The following NEGR1 variants were observed in gnomAD, a reference collection of about 807,000 sequenced individuals.
NEGR1 encodes IgLON family member 4.
In NEGR1, 10 loss-of-function variants were observed where a neutral mutation model predicts 40.9. The ratio of observed to expected loss-of-function variants is 0.24; its 90% CI spans 0.15 to 0.42. The LOEUF is 0.42. NEGR1 is among the 10% of genes least tolerant of loss of function. The pLI, the probability that NEGR1 is intolerant of heterozygous loss-of-function variation, is 1.00. For synonymous variants in NEGR1, 185 were observed against 166.8 expected (o/e 1.11, Z -0.84); for missense variants, 352 against 438.9 (o/e 0.80, Z 1.77).
chr1:71,720,889 A>G (rs1654487322), intron 3 of NEGR1, among the ~76,000 whole-genome samples: 1 of 152,192 alleles, frequency 6.6e-6, no homozygotes, highest in Admixed American at 6.5e-5. Flanking sequence ...GAAAATCAAC[A>G]GTTAAAAACT....
intron 3 of NEGR1, among the ~76,000 whole-genome samples, chr1:71,733,070 C>CTCT (rs1654940817): frequency 7.0e-6 from 1 of 142,024 alleles, no homozygotes; most frequent in South Asian, 2.2e-4. Flanking sequence ...CACAGGATAG[C>CTCT]TCTTTTTTTT....
intron 6 of NEGR1, among the ~76,000 whole-genome samples, chr1:71,522,751 AC>A: frequency 6.7e-6 from 1 of 149,732 alleles, no homozygotes; most frequent in South Asian, 2.1e-4. Context: ...ACACACACAC[AC>A]ACACGCACAA....
intron 6 of NEGR1, among the ~76,000 whole-genome samples, chr1:71,548,430 C>A (rs796828240): frequency 1.3e-5 from 2 of 151,674 alleles, no homozygotes; most frequent in African/African-American, 4.8e-5. Context: ...GAGGTTCAGT[C>A]CTGAAGGCTA....
At chr1:71,783,960 A>C (rs1011040654) in intron 2 of NEGR1, among the ~76,000 whole-genome samples, 2 of 152,146 alleles carry the variant, frequency 1.3e-5, no homozygotes, top group African/African-American at 4.8e-5. Context: ...AACATTTCTA[A>C]TCACAATGCA....
At chr1:72,111,116 A>G (rs1037961157) in intron 1 of NEGR1, among the ~76,000 whole-genome samples, 1 of 150,866 alleles carries the variant, frequency 6.6e-6, no homozygotes, top group African/African-American at 2.4e-5. Flanking sequence ...ACACACGTAT[A>G]TATATACACA....
At chr1:71,860,529 G>A (rs1240299622) in intron 2 of NEGR1, among the ~76,000 whole-genome samples, 2 of 151,882 alleles carry the variant, frequency 1.3e-5, no homozygotes, top group Non-Finnish European at 2.9e-5. Flanking sequence ...CAACTCCAAA[G>A]TCTAATAAAA....
intron 3 of NEGR1, among the ~76,000 whole-genome samples, chr1:71,730,797 TGGC>T (rs1654835292): frequency 6.6e-6 from 1 of 151,732 alleles, no homozygotes; most frequent in Non-Finnish European, 1.5e-5. Flanking sequence ...CAAAATTGTT[TGGC>T]ATTTAAATCT....
At chr1:72,231,589 G>A (rs186775571) in intron 1 of NEGR1, among the ~76,000 whole-genome samples, 33 of 152,088 alleles carry the variant, frequency 2.2e-4, no homozygotes, top group Admixed American at 1.8e-3. Context: ...TCTAACCCAC[G>A]TTGACATGTG....
At chr1:71,801,487 T>C (rs1242714440) in intron 2 of NEGR1, among the ~76,000 whole-genome samples, 1 of 152,206 alleles carries the variant, frequency 6.6e-6, no homozygotes, top group Admixed American at 6.5e-5. Flanking sequence ...ACATGTCTAA[T>C]GAAAACTCTT....
At chr1:71,994,060 G>C (rs920823492) in intron 1 of NEGR1, among the ~76,000 whole-genome samples, 14 of 152,056 alleles carry the variant, frequency 9.2e-5, no homozygotes. Flanking sequence ...GCACAACTCT[G>C]TTGTTTAAGG....
chr1:71,993,088 C>G (rs1251174558), intron 1 of NEGR1, among the ~76,000 whole-genome samples: 1 of 152,122 alleles, frequency 6.6e-6, no homozygotes, highest in South Asian at 2.1e-4. Flanking sequence ...ATAGTATATT[C>G]TATGAGGCAA....
intron 1 of NEGR1, among the ~76,000 whole-genome samples, chr1:72,240,794 A>G (rs1654707305): frequency 6.6e-6 from 1 of 151,886 alleles, no homozygotes; most frequent in South Asian, 2.1e-4. Context: ...GTTCTTTTCC[A>G]ACATGACCAT....
rs192286078 is a variant in NEGR1, at chr1:72,091,898, C to T, written c.177-156587G>A. ...GCCATCTCACTGTGCCCTCACATAA[C>T]GTGTGTGTGTGTGTGTGTCTTATTA... On this transcript the variant is annotated intron_variant, in intron 1 of 6. Coordinates refer to ENST00000357731, the MANE Select transcript of NEGR1 (RefSeq NM_173808.3). 2.6e-3 allele frequency among the ~76,000 whole-genome samples: 394 copies of T among 151,156 alleles called. 5 individuals are homozygous for T. The highest frequency in any genetic ancestry group is 9.1e-3 in the African/African-American group (376 of 41,232).
intron 1 of NEGR1, among the ~76,000 whole-genome samples, chr1:72,040,910 G>T (rs1569864326): frequency 6.6e-6 from 1 of 151,972 alleles, no homozygotes. Flanking sequence ...CAAAAACTAT[G>T]AGTTAAGGTA....
chr1:71,920,983 T>C (rs1281035537), intron 2 of NEGR1, among the ~76,000 whole-genome samples: 2 of 152,200 alleles, frequency 1.3e-5, no homozygotes, highest in Non-Finnish European at 2.9e-5. Flanking sequence ...GAAATGTTAA[T>C]GATAATCGCA....
At chr1:72,133,939 G>T (rs1199278102) in intron 1 of NEGR1, among the ~76,000 whole-genome samples, 2 of 151,406 alleles carry the variant, frequency 1.3e-5, no homozygotes, top group Non-Finnish European at 1.5e-5. Context: ...TTTTAAATTT[G>T]ATGAAAAATC....
At chr1:72,050,754 A>T (rs1321853434) in intron 1 of NEGR1, among the ~76,000 whole-genome samples, 1 of 151,532 alleles carries the variant, frequency 6.6e-6, no homozygotes, top group African/African-American at 2.4e-5. Context: ...GGAAATGACT[A>T]CATGTGACTT....
chr1:71,747,117 A>G (rs1655411206), intron 3 of NEGR1, among the ~76,000 whole-genome samples: 1 of 152,202 alleles, frequency 6.6e-6, no homozygotes, highest in Non-Finnish European at 1.5e-5. Context: ...GAATAGTAAA[A>G]TACATCAGCT....
chr1:71,481,862 C>T (rs543642719), intron 6 of NEGR1, among the ~76,000 whole-genome samples: 1 of 151,912 alleles, frequency 6.6e-6, no homozygotes, highest in African/African-American at 2.4e-5. Flanking sequence ...GCTAAAGTTA[C>T]ATTCATGCCT....
Sources: allele counts gnomAD v4.1 joint callset (sites outside exome capture counted in the v4.1 genomes callset), GRCh38; gene constraint gnomAD v4.1.1; transcripts MANE v1.5; gene names NCBI Gene and HGNC (gene_info 2026-07-23, HGNC 2026-07-21).